The following ADGRF3 variants were observed in gnomAD, a reference collection of about 807,000 sequenced individuals.
ADGRF3 encodes G protein-coupled receptor 113.
A neutral mutation model predicts 93.2 loss-of-function variants in ADGRF3; 85 were observed. The observed-to-expected ratio is 0.91, with a 90% CI of 0.77 to 1.09. The LOEUF is 1.09. Ranked by LOEUF, ADGRF3 falls within the 50% of genes least tolerant of loss-of-function variation. ADGRF3 has a pLI of 0.00. For missense variants in ADGRF3, 1,125 were observed against 1,246.2 expected (o/e 0.90, Z 1.46); for synonymous variants, 534 against 532.5 (o/e 1.00, Z -0.04).
chr2:26,323,038 C>T (rs910895756), intron 1 of ADGRF3, among the ~76,000 whole-genome samples: 6 of 151,960 alleles, frequency 3.9e-5, no homozygotes, highest in Non-Finnish European at 7.4e-5. Context: ...ACTCAGGAGA[C>T]GGAGGCATGA....
Position 26,311,202 on chromosome 2 carries a change from A to C in ADGRF3, c.2322T>G (p.Leu774=), listed in dbSNP as rs1436688990. The change falls in exon 10 of 14, where the codon CTT becomes CTG. Residue 774 remains leucine, a synonymous_variant. Coordinates refer to ENST00000651242, the MANE Select transcript of ADGRF3 (RefSeq NM_001321971.2). The part of the protein sequence containing the change: ...LSPGPRSPLC[L]AAAFLCHFLY... ...GGAAATGACAGAGGAAGGCGGCAGC[A>C]AGGCAGAGCGGGCTTCGGGGCCCTG... 6.2e-7 allele frequency: 1 copy of C among 1,602,610 alleles called. No individual in the cohort carries two copies. The highest frequency in any genetic ancestry group is 8.5e-7 in the Non-Finnish European group (1 of 1,174,792).
At chr2:26,316,499 G>A (rs1674689281) in intron 3 of ADGRF3, 51 bp from the exon 4 acceptor site, 4 of 1,527,580 alleles carry the variant, frequency 2.6e-6, no homozygotes, top group East Asian at 2.4e-5. Flanking sequence ...AAGAAGCTAG[G>A]TGGGCAGGGC....
rs755136769 is a variant in ADGRF3 at position 26,319,614 on chromosome 2, CCTTTCTTT to C, written c.115-2060_115-2053del. The stretch of plus-strand genomic sequence containing the variant: ...TCCTTCCTTCCTTCCTTCCTTCCTT[CCTTTCTTT>C]CTTTGTTTCTTTCTTTCTCTTTCCT... On this transcript the variant is annotated intron_variant, in intron 1 of 13. Coordinates refer to ENST00000651242, the MANE Select transcript of ADGRF3 (RefSeq NM_001321971.2). Among the ~76,000 whole-genome samples the C allele has an allele frequency of 7.0e-5, 4 of 57,122 alleles. 1 individual carries two copies. Among genetic ancestry groups the C allele is most frequent in the South Asian group, 7.3e-4 (1 of 1,362 alleles). The allele number at this position is 57,122 out of a possible 152,430, so 37.5% of individuals were successfully genotyped here.
chr2:26,311,489 A>C lies in ADGRF3; in HGVS notation c.2035T>G (p.Cys679Gly). ...QVASASPTAQ[C>G]LCQHLTAFSV... ...AAGGCAGTGAGGTGCTGGCAGAGGC[A>C]CTGAGCAGTGGGGCTGGCACTGGCC... Residue 679 changes from cysteine (C) to glycine (G), a missense_variant, in exon 10 of 14, where the codon TGC becomes GGC. Coordinates refer to ENST00000651242, the MANE Select transcript of ADGRF3 (RefSeq NM_001321971.2). 6.2e-7 allele frequency: 1 copy of C among 1,613,882 alleles called. No homozygotes were observed. Among genetic ancestry groups the C allele is most frequent in the Non-Finnish European group, 8.5e-7 (1 of 1,179,738 alleles).
At position 26,310,114 on chromosome 2, in the gene ADGRF3, G is replaced by T. The variant is rs756114280; in HGVS notation, c.2875-9C>A. On this transcript the variant is annotated splice_polypyrimidine_tract_variant and intron_variant, in intron 11 of 13. Coordinates refer to ENST00000651242, the MANE Select transcript of ADGRF3 (RefSeq NM_001321971.2). The stretch of plus-strand genomic sequence containing the variant: ...CGCAAAGCTTCTTGTATCTGCGGGA[G>T]AGGTAAATGCTCTGCTTATGCCAGC... The T allele has an allele frequency of 6.2e-7, 1 of 1,614,072 alleles. No individual in the cohort carries two copies. The highest frequency in any genetic ancestry group is 1.1e-5 in the South Asian group (1 of 91,090).
At chr2:26,341,809 C>T (rs376892312) in intron 1 of ADGRF3, among the ~76,000 whole-genome samples, 83 of 152,162 alleles carry the variant, frequency 5.5e-4, no homozygotes, top group African/African-American at 2.0e-3. Flanking sequence ...CGCGGTGGCT[C>T]ACACCTGTAA....
At chr2:26,314,659 C>T (rs200283768) in intron 5 of ADGRF3, 36 bp from the exon 6 acceptor site, 1 of 1,547,496 alleles carries the variant, frequency 6.5e-7, no homozygotes, top group African/African-American at 1.4e-5. Context: ...TGTGGCTCCT[C>T]TGGGCCCCGC....
chr2:26,311,318 T>C lies in ADGRF3; in HGVS notation c.2206A>G (p.Ile736Val), dbSNP rs778152526. 15 of 1,613,644 alleles carry C rather than the reference T, an allele frequency of 9.3e-6. No individual in the cohort carries two copies. Among genetic ancestry groups the C allele is most frequent in the Non-Finnish European group, 1.2e-5 (14 of 1,179,818 alleles). Residue 736 changes from isoleucine to valine, a missense_variant, in exon 10 of 14, where the codon ATC (isoleucine) becomes GTC (valine). Physicochemically the swap from Ile to Val is conservative, Grantham distance 29. Transcript: ENST00000651242. ...LVWRVVVRNK[I>V]SYFRHAALLN... ...AGGGCGGCGTGGCGGAAATAGGAGA[T>C]CTTGTTCCGCACCACGACTCTCCAC...
intron 1 of ADGRF3, among the ~76,000 whole-genome samples, chr2:26,339,655 T>C (rs1452876388): frequency 2.0e-5 from 3 of 152,186 alleles, no homozygotes; most frequent in African/African-American, 7.2e-5. Flanking sequence ...GTCCCTCTGT[T>C]TCTCATGGTA....
intron 10 of ADGRF3, 38 bp downstream of exon 10, chr2:26,310,654 A>G: frequency 6.3e-7 from 1 of 1,576,846 alleles, no homozygotes; most frequent in Non-Finnish European, 8.6e-7. Context: ...TAGACCATCT[A>G]AAAAAGCAAA....
chr2:26,343,560 C>T (rs1363923379), intron 1 of ADGRF3, among the ~76,000 whole-genome samples: 1 of 152,130 alleles, frequency 6.6e-6, no homozygotes, highest in Admixed American at 6.5e-5. Flanking sequence ...CTGCCTCAGC[C>T]TTCCGAGTAG....
At chr2:26,341,169 A>G (rs1229815784) in intron 1 of ADGRF3, among the ~76,000 whole-genome samples, 1 of 152,182 alleles carries the variant, frequency 6.6e-6, no homozygotes, top group African/African-American at 2.4e-5. Context: ...ACCTGAGGTC[A>G]GGAGTTTGAG....
At chr2:26,340,976 C>G (rs1412668162) in intron 1 of ADGRF3, among the ~76,000 whole-genome samples, 2 of 152,052 alleles carry the variant, frequency 1.3e-5, no homozygotes, top group Admixed American at 6.5e-5. Flanking sequence ...TGATTTTACT[C>G]TTGCCTCATA....
intron 1 of ADGRF3, among the ~76,000 whole-genome samples, chr2:26,326,269 A>T (rs1465110031): frequency 1.3e-5 from 2 of 152,224 alleles, no homozygotes; most frequent in African/African-American, 4.8e-5. Context: ...CGGGGCACCC[A>T]GAGCTCATTC....
intron 9 of ADGRF3, 29 bp from the exon 10 acceptor site, chr2:26,312,103 C>T (rs772321386): frequency 4.0e-5 from 63 of 1,569,436 alleles, no homozygotes; most frequent in Middle Eastern, 4.6e-4. Flanking sequence ...AGATGAACCC[C>T]GTCTGCTGGC....
At chr2:26,317,879 C>G in intron 1 of ADGRF3, 1 of 741,924 alleles carries the variant, frequency 1.3e-6, no homozygotes, top group East Asian at 2.7e-5. Context: ...GGAGCTCCAG[C>G]AGCGGAGCTG....
chr2:26,327,972 A>G (rs1275717370), intron 1 of ADGRF3, among the ~76,000 whole-genome samples: 1 of 152,156 alleles, frequency 6.6e-6, no homozygotes, highest in African/African-American at 2.4e-5. Flanking sequence ...TTTCCAACAC[A>G]TGAACTTTGG....
chr2:26,313,473 G>T lies in ADGRF3; in HGVS notation c.1173C>A (p.Gly391=). Residue 391 remains glycine (G), a synonymous_variant, in exon 8 of 14, where the codon GGC becomes GGA. Transcript: ENST00000651242. ...CAGCCCCACAGAGCCTCCTCACTAT[G>T]CCCCTCTTGCTCTCAGGACATGGGG... ...AQAPCPESKR[G]IVRRLCGADG... is the part of the protein sequence containing the mutation. The T allele has an allele frequency of 6.2e-7, 1 of 1,611,498 alleles. No homozygotes were observed. The highest frequency in any genetic ancestry group is 8.5e-7 in the Non-Finnish European group (1 of 1,178,958).
intron 13 of ADGRF3, 29 bp downstream of exon 13, chr2:26,309,497 C>T (rs757682492): frequency 4.2e-5 from 67 of 1,605,788 alleles, no homozygotes; most frequent in East Asian, 1.3e-4. Context: ...ACCCTGCTTA[C>T]GCTGCCCCTG....
Sources: gnomAD v4.1 joint callset for allele counts (sites outside exome capture counted in the v4.1 genomes callset) on GRCh38, gnomAD v4.1.1 for gene constraint, MANE v1.5 for transcripts, NCBI Gene and HGNC (gene_info 2026-07-23, HGNC 2026-07-21) for gene names.